The following SIDT1 variants were observed in gnomAD, a reference collection of about 807,000 sequenced individuals.
SIDT1 encodes SID1 transmembrane family member 1.
In SIDT1, 101 loss-of-function variants were observed where a neutral mutation model predicts 107.5. The observed-to-expected ratio is 0.94, with a 90% CI of 0.80 to 1.11. SIDT1 has a LOEUF of 1.11. SIDT1 is among the 50% of genes least tolerant of loss of function. SIDT1 has a pLI of 0.00. For synonymous variants in SIDT1, 395 were observed against 398.2 expected, an observed-to-expected ratio of 0.99 and a Z score of 0.10; for missense variants, 1,076 against 1,058.2, an observed-to-expected ratio of 1.02 and a Z score of -0.23.
chr3:113,576,414 T>C (rs1257671808), intron 3 of SIDT1, among the ~76,000 whole-genome samples: 1 of 152,164 alleles, frequency 6.6e-6, no homozygotes, highest in African/African-American at 2.4e-5. Flanking sequence ...AAGGGCCTGC[T>C]TCTGTCCCTA....
At chr3:113,614,327 C>T (rs1457807246) in intron 19 of SIDT1, among the ~76,000 whole-genome samples, 1 of 152,204 alleles carries the variant, frequency 6.6e-6, no homozygotes, top group Non-Finnish European at 1.5e-5. Context: ...TGGTGGGTCC[C>T]CAGGAGAGAG....
intron 11 of SIDT1, 89 bp from the exon 12 acceptor site, chr3:113,602,916 A>G: frequency 6.6e-6 from 9 of 1,363,940 alleles, no homozygotes; most frequent in Non-Finnish European, 9.0e-6. Flanking sequence ...ATTTCCTAGA[A>G]TGAGTCTGCA....
intron 1 of SIDT1, among the ~76,000 whole-genome samples, chr3:113,553,775 G>C (rs535602551): frequency 6.6e-6 from 1 of 152,316 alleles, no homozygotes; most frequent in South Asian, 2.1e-4. Context: ...GCCAGGCGTG[G>C]TGGCTCACGC....
At chr3:113,534,365 C>T (rs1559995243) in intron 1 of SIDT1, among the ~76,000 whole-genome samples, 1 of 152,206 alleles carries the variant, frequency 6.6e-6, no homozygotes, top group East Asian at 1.9e-4. Context: ...CATCTTCCAG[C>T]TGTGTGTAGC....
intron 1 of SIDT1, among the ~76,000 whole-genome samples, chr3:113,544,194 TG>T (rs750872895): frequency 0.13 from 19,756 of 151,502 alleles, 1,775 homozygotes; most frequent in African/African-American, 0.25. Flanking sequence ...TTTGTTTGTT[TG>T]TTTGTTTGTT....
intron 1 of SIDT1, among the ~76,000 whole-genome samples, chr3:113,557,611 A>T (rs1941016389): frequency 6.6e-6 from 1 of 152,226 alleles, no homozygotes; most frequent in Non-Finnish European, 1.5e-5. Context: ...CCAAGGGTTC[A>T]TGGACACCAC....
intron 1 of SIDT1, among the ~76,000 whole-genome samples, chr3:113,538,570 T>C (rs1938453123): frequency 6.6e-6 from 1 of 152,254 alleles, no homozygotes; most frequent in Admixed American, 6.5e-5. Context: ...ATACTTTTGA[T>C]GTATTAAATT....
intron 20 of SIDT1, among the ~76,000 whole-genome samples, chr3:113,616,915 C>T (rs1030707439): frequency 3.3e-5 from 5 of 152,086 alleles, no homozygotes; most frequent in African/African-American, 1.2e-4. Context: ...CTTGAACTCC[C>T]AACCTCAGGT....
chr3:113,626,708 T>C (rs1172262802), intron 24 of SIDT1, among the ~76,000 whole-genome samples: 1 of 152,202 alleles, frequency 6.6e-6, no homozygotes, highest in South Asian at 2.1e-4. Flanking sequence ...ATCTCTCCTG[T>C]AGTTTCTCTA....
intron 24 of SIDT1, 131 bp downstream of exon 24, chr3:113,626,346 A>G (rs949600268): frequency 6.4e-6 from 4 of 621,488 alleles, no homozygotes; most frequent in Non-Finnish European, 8.4e-6. Context: ...TTGTAATTCA[A>G]TGTACAGACC....
chr3:113,547,691 A>G (rs1331257887), intron 1 of SIDT1, among the ~76,000 whole-genome samples: 2 of 152,096 alleles, frequency 1.3e-5, no homozygotes, highest in Non-Finnish European at 2.9e-5. Context: ...TAAGAAAGCT[A>G]TTTATAATTC....
chr3:113,535,937 T>C (rs1242511366), intron 1 of SIDT1, among the ~76,000 whole-genome samples: 1 of 152,218 alleles, frequency 6.6e-6, no homozygotes, highest in Non-Finnish European at 1.5e-5. Context: ...GTTCTTCTTA[T>C]CCTGCATAAG....
intron 1 of SIDT1, among the ~76,000 whole-genome samples, chr3:113,541,798 G>A (rs1403350077): frequency 6.6e-6 from 1 of 151,566 alleles, no homozygotes; most frequent in African/African-American, 2.4e-5. Flanking sequence ...TCTGGCAAAA[G>A]TGAAAATAAA....
intron 10 of SIDT1, among the ~76,000 whole-genome samples, chr3:113,596,253 G>A (rs981920734): frequency 2.0e-5 from 3 of 152,200 alleles, no homozygotes; most frequent in Admixed American, 6.5e-5. Context: ...TGACTGAAGT[G>A]GAAGAAATGG....
intron 1 of SIDT1, among the ~76,000 whole-genome samples, chr3:113,565,009 G>C (rs12629807): frequency 0.015 from 2,348 of 152,276 alleles, 90 homozygotes; most frequent in East Asian, 0.1. Flanking sequence ...ATGCTATTCT[G>C]TTTCCTCCTA....
At position 113,616,121 on chromosome 3, in the gene SIDT1, C is replaced by T. The variant is rs371641054; in HGVS notation, c.1988C>T (p.Ala663Val). 3 of 1,613,920 alleles carry T rather than the reference C, an allele frequency of 1.9e-6. No homozygotes were observed. The highest frequency in any genetic ancestry group is 1.6e-4 in the Middle Eastern group (1 of 6,062). ...GCAGATTTGGGAATTTTCCGGCGGG[C>T]TGCCATGGTGTTCTACACAGACTGT... ...FKIDLGIFRR[A>V]AMVFYTDCIQ... is the part of the protein sequence containing the mutation. The change falls in exon 20 of 25, where the codon GCT becomes GTT. Residue 663 changes from alanine (A) to valine (V), a missense_variant. Coordinates refer to ENST00000264852, the MANE Select transcript of SIDT1 (RefSeq NM_017699.3).
chr3:113,615,017 GTC>G (rs1946004214), intron 19 of SIDT1: 13 of 1,534,378 alleles, frequency 8.5e-6, no homozygotes, highest in African/African-American at 6.8e-5. Flanking sequence ...TTTCTTACAC[GTC>G]TCTCTTTTTT....
In SIDT1 at chr3:113,578,587, C is replaced by T. The variant is rs187928318; in HGVS notation, c.561+1620C>T. 8.0e-4 allele frequency among the ~76,000 whole-genome samples: 122 copies of T among 152,094 alleles called. 1 individual carries two copies. Among genetic ancestry groups the T allele is most frequent in the East Asian group, 5.2e-3 (27 of 5,186 alleles). On this transcript the variant is annotated intron_variant, in intron 4 of 24. Coordinates refer to ENST00000264852, the MANE Select transcript of SIDT1 (RefSeq NM_017699.3). ...TACTGATCAGGTGTGGTGGCTTGCACCTGTAATCCCAACACTTTGGGAGGC... is the reference window on the plus strand; with the variant it reads ...TACTGATCAGGTGTGGTGGCTTGCATCTGTAATCCCAACACTTTGGGAGGC...
chr3:113,573,294 C>G (rs1249199452), intron 3 of SIDT1, among the ~76,000 whole-genome samples: 3 of 152,184 alleles, frequency 2.0e-5, no homozygotes, highest in African/African-American at 7.2e-5. Flanking sequence ...CAGGGGATCA[C>G]TATTCTGTGA....
Sources: allele counts gnomAD v4.1 joint callset (sites outside exome capture counted in the v4.1 genomes callset), GRCh38; gene constraint gnomAD v4.1.1; transcripts MANE v1.5; gene names NCBI Gene and HGNC (gene_info 2026-07-23, HGNC 2026-07-21).